The following ARHGEF28 variants were observed in gnomAD, a reference collection of about 807,000 sequenced individuals.
The protein encoded by ARHGEF28 is Rho guanine nucleotide exchange factor 28.
A neutral mutation model predicts 206.6 loss-of-function variants in ARHGEF28; 152 were observed. The ratio of observed to expected loss-of-function variants is 0.74; its 90% CI spans 0.64 to 0.84. The LOEUF (loss-of-function observed/expected upper bound fraction) is 0.84. ARHGEF28 is among the 40% of genes least tolerant of loss of function. The pLI is 0.00. For missense variants in ARHGEF28, 2,028 were observed against 2,073.2 expected, an observed-to-expected ratio of 0.98 and a Z score of 0.42; for synonymous variants, 763 against 776.4, an observed-to-expected ratio of 0.98 and a Z score of 0.29.
Position 73,885,908 on chromosome 5 carries a change from T to G in ARHGEF28, c.3114T>G (p.Ile1038Met). ...RKALCLIKDMIATVDLKVNEY... is the reference protein window; with the variant it reads ...RKALCLIKDMMATVDLKVNEY... ...CGCTTTGCTTAATTAAAGACATGAT[T>G]GCAACAGTGGATTTAAAAGTCAATG... Residue 1038 changes from isoleucine (I) to methionine (M), a missense_variant, in exon 25 of 36, where the codon ATT (isoleucine) becomes ATG (methionine). Around this residue, in one of 3 missense-constraint regions of ARHGEF28, gnomAD observed 223 missense variants for 289.9 expected, o/e 0.77. Coordinates refer to ENST00000513042, the MANE Select transcript of ARHGEF28 (RefSeq NM_001177693.2). The G allele has an allele frequency of 6.2e-7, 1 of 1,613,694 alleles. No homozygotes were observed. Among genetic ancestry groups the G allele is most frequent in the Non-Finnish European group, 8.5e-7 (1 of 1,179,778 alleles).
intron 35 of ARHGEF28, among the ~76,000 whole-genome samples, chr5:73,918,983 A>G (rs1580102761): frequency 1.3e-5 from 2 of 152,196 alleles, no homozygotes; most frequent in South Asian, 2.1e-4. Context: ...GGCCTGGGAT[A>G]CTGGACTTGA....
intron 35 of ARHGEF28, among the ~76,000 whole-genome samples, chr5:73,932,070 G>C (rs1362919111): frequency 1.3e-5 from 2 of 152,146 alleles, no homozygotes; most frequent in East Asian, 3.8e-4. Flanking sequence ...TAAGAAACTT[G>C]AAATATTTCA....
intron 7 of ARHGEF28, among the ~76,000 whole-genome samples, chr5:73,790,172 C>CTT (rs555617997): frequency 2.7e-5 from 4 of 147,368 alleles, no homozygotes; most frequent in African/African-American, 9.9e-5. Context: ...TGCCCTGCAA[C>CTT]TTTTTTTTTT....
At chr5:73,832,491 C>T in intron 10 of ARHGEF28, 32 bp downstream of exon 10, 1 of 1,600,192 alleles carries the variant, frequency 6.2e-7, no homozygotes, top group Non-Finnish European at 8.5e-7. Flanking sequence ...AGGATGATTT[C>T]TACCTCTCTC....
intron 22 of ARHGEF28, among the ~76,000 whole-genome samples, chr5:73,877,154 G>C (rs1279623426): frequency 1.4e-5 from 2 of 147,228 alleles, no homozygotes; most frequent in East Asian, 4.0e-4. Flanking sequence ...TCTTGGAAGA[G>C]TGTATGTGTC....
intron 9 of ARHGEF28, among the ~76,000 whole-genome samples, chr5:73,821,381 C>G (rs1756576504): frequency 6.6e-6 from 1 of 152,112 alleles, no homozygotes; most frequent in South Asian, 2.1e-4. Flanking sequence ...GTCTATAGAA[C>G]TCAATTACTT....
rs1040546658 is a variant in ARHGEF28 at position 73,630,794 on chromosome 5, C to T, written c.-12+4472C>T. On this transcript the variant is annotated intron_variant, in intron 1 of 35. Transcript: ENST00000513042. Reference sequence around the variant, plus strand: ...GCAACCCATTTTTTAACATTCTACTCAGTCTTGATGAATTGAATGTGAATG... The same window carrying T: ...GCAACCCATTTTTTAACATTCTACTTAGTCTTGATGAATTGAATGTGAATG... 2.0e-5 allele frequency among the ~76,000 whole-genome samples: 3 copies of T among 152,202 alleles called. No homozygotes were observed. In the East Asian group the frequency reaches 5.8e-4, roughly 29 times the overall value.
At position 73,813,802 on chromosome 5, in the gene ARHGEF28, A is replaced by C. The variant is rs192694253; in HGVS notation, c.1024+18411A>C. 180 of 956,974 alleles carry C rather than the reference A, an allele frequency of 1.9e-4. No individual in the cohort carries two copies. In the African/African-American group the frequency reaches 2.8e-3, roughly 15 times the overall value. 59.3% of individuals were successfully genotyped at this position (956,974 alleles called of 1,614,324 possible). On this transcript the variant is annotated intron_variant, in intron 9 of 35. Coordinates refer to ENST00000513042, the MANE Select transcript of ARHGEF28 (RefSeq NM_001177693.2). ...TTATACGTGCCTTTATAAAACACTC[A>C]CTGTACAGATACATATAGGTTTCTG...
chr5:73,651,163 A>G (rs1009262534), intron 1 of ARHGEF28, among the ~76,000 whole-genome samples: 5 of 152,178 alleles, frequency 3.3e-5, no homozygotes, highest in African/African-American at 1.2e-4. Context: ...GGTTGAGCCT[A>G]AGAAGAAGGG....
intron 9 of ARHGEF28, among the ~76,000 whole-genome samples, chr5:73,796,789 A>G (rs952906221): frequency 6.6e-6 from 1 of 152,226 alleles, no homozygotes; most frequent in African/African-American, 2.4e-5. Context: ...GAAGGCAAAA[A>G]GAGAGCAAAC....
intron 33 of ARHGEF28, among the ~76,000 whole-genome samples, chr5:73,907,786 C>A (rs1441498619): frequency 1.3e-5 from 2 of 152,164 alleles, no homozygotes; most frequent in African/African-American, 4.8e-5. Flanking sequence ...AATATCCGAT[C>A]TTCAGATTCC....
Position 73,892,174 on chromosome 5 carries a change from C to A in ARHGEF28, c.3510C>A (p.Thr1170=). 2 of 1,579,944 alleles carry A rather than the reference C, an allele frequency of 1.3e-6. No homozygotes were observed. The highest frequency in any genetic ancestry group is 2.3e-5 in the East Asian group (1 of 43,806). ...GTCCTGAGATGTATGAAATTCACACCAATTCCAAGGAGGAACGCAATAACT... is the reference window on the plus strand; with the variant it reads ...GTCCTGAGATGTATGAAATTCACACAAATTCCAAGGAGGAACGCAATAACT... ...SAGPEMYEIH[T]NSKEERNNWM... The change falls in exon 27 of 36, where the codon ACC becomes ACA. Residue 1170 remains threonine (T), a synonymous_variant. Transcript: ENST00000513042.
intron 6 of ARHGEF28, among the ~76,000 whole-genome samples, chr5:73,777,459 A>G (rs1407268254): frequency 6.6e-6 from 1 of 152,102 alleles, no homozygotes; most frequent in Non-Finnish European, 1.5e-5. Context: ...TCTCGTGACT[A>G]TTTAGGCTTT....
At chr5:73,691,993 T>C (rs1024835260) in intron 2 of ARHGEF28, among the ~76,000 whole-genome samples, 2 of 152,210 alleles carry the variant, frequency 1.3e-5, no homozygotes, top group African/African-American at 4.8e-5. Context: ...GCAAATGAGA[T>C]CTAATAGTTG....
chr5:73,676,256 G>A (rs1471234123), intron 1 of ARHGEF28, among the ~76,000 whole-genome samples: 10 of 141,628 alleles, frequency 7.1e-5, no homozygotes, highest in Admixed American at 2.9e-4. Context: ...TTTTTTTTAG[G>A]CAGAGTTTTG....
rs77090592 is a variant in ARHGEF28 at position 73,672,891 on chromosome 5, C to T, written c.-11-11950C>T. Among the ~76,000 whole-genome samples the T allele has an allele frequency of 1.9e-3, 294 of 152,292 alleles. 1 individual carries two copies. Among genetic ancestry groups the T allele is most frequent in the Non-Finnish European group, 3.2e-3 (219 of 68,024 alleles). On this transcript the variant is annotated intron_variant, in intron 1 of 35. Transcript: ENST00000513042. ...TGTGCTCCTCTTTGTACTTTATAAA[C>T]GTTAGGCTGCACAATTTCAGACTGA... is the stretch of plus-strand genomic sequence containing the variant.
At chr5:73,664,698 C>A (rs781685567) in intron 1 of ARHGEF28, among the ~76,000 whole-genome samples, 15 of 152,218 alleles carry the variant, frequency 9.9e-5, no homozygotes, top group East Asian at 1.9e-4. Context: ...AGTTTCTGTT[C>A]GAAAATAAGT....
intron 5 of ARHGEF28, among the ~76,000 whole-genome samples, chr5:73,774,761 A>G (rs1753450677): frequency 6.6e-6 from 1 of 152,232 alleles, no homozygotes; most frequent in African/African-American, 2.4e-5. Context: ...ATTCATATAT[A>G]GTGATTTTTT....
chr5:73,840,659 G>A lies in ARHGEF28; in HGVS notation c.1326G>A (p.Gln442=). ...NVEGTAHTEA[Q]QSFMSPSSSC... The stretch of plus-strand genomic sequence containing the variant: ...AAGGGACAGCACACACTGAAGCCCA[G>A]CAGTCCTTCATGTCACCATCAAGTT... The change falls in exon 11 of 36, where the codon CAG becomes CAA. Residue 442 remains glutamine, a synonymous_variant. Transcript: ENST00000513042. The A allele has an allele frequency of 6.2e-7, 1 of 1,613,652 alleles. No homozygotes were observed.
Sources: gnomAD v4.1 joint callset for allele counts (sites outside exome capture counted in the v4.1 genomes callset) on GRCh38, gnomAD v4.1.1 for gene constraint, gnomAD v4.1.1 regional missense constraint, MANE v1.5 for transcripts, NCBI Gene and HGNC (gene_info 2026-07-23, HGNC 2026-07-21) for gene names.